The following CTNND2 variants were observed in gnomAD, a reference collection of about 807,000 sequenced individuals.
CTNND2 encodes the protein catenin delta 2, also known as catenin delta-2.
CTNND2 carries 22 observed loss-of-function variants against 144.4 expected under a neutral mutation model. That is an observed-to-expected ratio of 0.15 (90% CI 0.11 to 0.22). CTNND2 has a LOEUF of 0.22. Ranked by LOEUF, CTNND2 falls within the 10% of genes least tolerant of loss-of-function variation. The probability of loss-of-function intolerance (pLI) is 1.00; values close to 1 mark genes in which losing one functional copy is unlikely to be tolerated. For missense variants in CTNND2, 1,353 were observed against 1,618.8 expected, an observed-to-expected ratio of 0.84 and a Z score of 2.82; for synonymous variants, 751 against 695.6, an observed-to-expected ratio of 1.08 and a Z score of -1.25.
intron 1 of CTNND2, among the ~76,000 whole-genome samples, chr5:11,854,767 C>T (rs6887632): frequency 0.69 from 105,410 of 152,108 alleles, 36,623 homozygotes; most frequent in South Asian, 0.78. Flanking sequence ...CTCGTTCTAA[C>T]GATTTGGCCA....
At chr5:11,098,779 C>T (rs1227673566) in intron 14 of CTNND2, 31 bp from the exon 15 acceptor site, 9 of 1,604,090 alleles carry the variant, frequency 5.6e-6, no homozygotes, top group Admixed American at 1.7e-5. Flanking sequence ...GAGCAAACAT[C>T]TTTAACATCT....
Position 11,592,692 on chromosome 5 carries a change from A to G in CTNND2, c.175-27636T>C, listed in dbSNP as rs185325369. On this transcript the variant is annotated intron_variant, in intron 2 of 21. Transcript: ENST00000304623. ...TGATCAAAACAACAACCAAACATCT[A>G]CCTAAAAATTATAATCAAAACCTCA... Among the ~76,000 whole-genome samples, 1,280 of 151,870 alleles carry G rather than the reference A, an allele frequency of 8.4e-3. 3 individuals carry two copies. The highest frequency in any genetic ancestry group is 0.012 in the Non-Finnish European group (834 of 67,958).
intron 3 of CTNND2, among the ~76,000 whole-genome samples, chr5:11,454,369 G>A (rs749660798): frequency 1.1e-4 from 17 of 151,894 alleles, no homozygotes; most frequent in Admixed American, 8.5e-4. Context: ...GCAGTGAGCC[G>A]AAATCACATC....
At chr5:11,047,992 G>T (rs570391546) in intron 16 of CTNND2, among the ~76,000 whole-genome samples, 1 of 152,268 alleles carries the variant, frequency 6.6e-6, no homozygotes, top group Non-Finnish European at 1.5e-5. Context: ...ATTTAGGGAG[G>T]CTTTCCTAAA....
rs182760513 is a variant in CTNND2 at position 11,054,473 on chromosome 5, A to G, written c.2788+28223T>C. Among the ~76,000 whole-genome samples the G allele has an allele frequency of 1.1e-3, 168 of 152,318 alleles. 1 individual carries two copies. Among genetic ancestry groups the G allele is most frequent in the African/African-American group, 3.8e-3 (157 of 41,576 alleles). On this transcript the variant is annotated intron_variant, in intron 16 of 21. Transcript: ENST00000304623. The stretch of plus-strand genomic sequence containing the variant: ...GGAGTATTAGAGAAGACAAGGGAGC[A>G]GTAAGAAGCACATTTCCTACTACCT...
At chr5:11,716,655 G>A (rs1341443549) in intron 2 of CTNND2, among the ~76,000 whole-genome samples, 1 of 151,782 alleles carries the variant, frequency 6.6e-6, no homozygotes, top group African/African-American at 2.4e-5. Context: ...GAAAGTACTA[G>A]TCTTTTTATT....
rs536347618 is a variant in CTNND2, at chr5:11,016,902, C to G, written c.3084+1072G>C. Among the ~76,000 whole-genome samples, 3 of 152,122 alleles carry G rather than the reference C, an allele frequency of 2.0e-5. No individual in the cohort carries two copies. In the South Asian group the frequency reaches 6.2e-4, roughly 32 times the overall value. On this transcript the variant is annotated intron_variant, in intron 18 of 21. Coordinates refer to ENST00000304623, the MANE Select transcript of CTNND2 (RefSeq NM_001332.4). Reference sequence around the variant, plus strand: ...TCTCCTGCCTCAGCCTCCTGAGTAGCTGGGATTACAGGCGCTGCTACCACG... The same window carrying G: ...TCTCCTGCCTCAGCCTCCTGAGTAGGTGGGATTACAGGCGCTGCTACCACG...
At chr5:11,507,810 G>A (rs1771209909) in intron 3 of CTNND2, among the ~76,000 whole-genome samples, 1 of 152,114 alleles carries the variant, frequency 6.6e-6, no homozygotes. Context: ...AGATGGCTGG[G>A]GACCCAAGGA....
At chr5:11,829,653 T>G (rs74872203) in intron 1 of CTNND2, among the ~76,000 whole-genome samples, 48 of 152,312 alleles carry the variant, frequency 3.2e-4, no homozygotes, top group Non-Finnish European at 6.2e-4. Flanking sequence ...GGCAGTAGTT[T>G]GCTACAGAGG....
At chr5:11,641,765 T>TACGTATGTGTATGTACATACATAC (rs1782050974) in intron 2 of CTNND2, among the ~76,000 whole-genome samples, 1 of 148,070 alleles carries the variant, frequency 6.8e-6, no homozygotes, top group Non-Finnish European at 1.5e-5. Flanking sequence ...TACATACATA[T>TACGTATGTGTATGTACATACATAC]ACGTATATGT....
chr5:11,835,053 A>G (rs1794102896), intron 1 of CTNND2, among the ~76,000 whole-genome samples: 1 of 152,178 alleles, frequency 6.6e-6, no homozygotes, highest in Non-Finnish European at 1.5e-5. Context: ...TGGGAGGATC[A>G]CCTAAGCCTG....
At chr5:11,097,610 C>A (rs961462127) in intron 15 of CTNND2, among the ~76,000 whole-genome samples, 38 of 152,278 alleles carry the variant, frequency 2.5e-4, no homozygotes, top group African/African-American at 8.7e-4. Context: ...AGAAGGCAGA[C>A]ATCCAAAGGA....
intron 8 of CTNND2, among the ~76,000 whole-genome samples, chr5:11,353,606 C>A (rs1471025393): frequency 6.6e-6 from 1 of 152,050 alleles, no homozygotes; most frequent in Non-Finnish European, 1.5e-5. Flanking sequence ...AGTTCGAGAC[C>A]AGCCTGGGCA....
chr5:11,734,233 C>T (rs1787552421), intron 1 of CTNND2, among the ~76,000 whole-genome samples: 1 of 152,180 alleles, frequency 6.6e-6, no homozygotes, highest in Admixed American at 6.5e-5. Flanking sequence ...GCAGCCATGA[C>T]CTTGTATCGC....
chr5:11,450,898 CAAAAAAAAAAAAA>C (rs758941655), intron 3 of CTNND2, among the ~76,000 whole-genome samples: 4 of 81,492 alleles, frequency 4.9e-5, no homozygotes, highest in Admixed American at 1.7e-4. Flanking sequence ...AACTCCATCT[CAAAAAAAAAAAAA>C]AAAAAAAAAA....
At chr5:11,676,827 C>T (rs192937691) in intron 2 of CTNND2, among the ~76,000 whole-genome samples, 5 of 152,304 alleles carry the variant, frequency 3.3e-5, no homozygotes, top group African/African-American at 1.2e-4. Flanking sequence ...AAGCTTAGAA[C>T]ATTTCTTATG....
At chr5:11,654,047 C>T (rs945577112) in intron 2 of CTNND2, among the ~76,000 whole-genome samples, 2 of 151,814 alleles carry the variant, frequency 1.3e-5, no homozygotes, top group African/African-American at 2.4e-5. Context: ...ACTAGTTGAC[C>T]GTATGTAGGT....
chr5:11,060,798 T>G (rs933706398), intron 16 of CTNND2, among the ~76,000 whole-genome samples: 2 of 152,230 alleles, frequency 1.3e-5, no homozygotes, highest in Admixed American at 6.5e-5. Flanking sequence ...GTCTTCTTTA[T>G]TCCAAAGTAA....
intron 16 of CTNND2, among the ~76,000 whole-genome samples, chr5:11,059,972 A>G (rs1746766492): frequency 6.6e-6 from 1 of 151,970 alleles, no homozygotes; most frequent in Non-Finnish European, 1.5e-5. Flanking sequence ...AGGAAGAAGT[A>G]AAATATTTTT....
Sources: gnomAD v4.1 joint callset for allele counts (sites outside exome capture counted in the v4.1 genomes callset) on GRCh38, gnomAD v4.1.1 for gene constraint, MANE v1.5 for transcripts, NCBI Gene and HGNC (gene_info 2026-07-23, HGNC 2026-07-21) for gene names.